The following AIRE variants were observed in gnomAD, a reference collection of about 807,000 sequenced individuals.
The protein encoded by AIRE is autoimmune polyendocrinopathy candidiasis ectodermal dystrophy protein.
A neutral mutation model predicts 62.1 loss-of-function variants in AIRE; 52 were observed. The observed-to-expected ratio is 0.84, with a 90% confidence interval of 0.67 to 1.06. The LOEUF (loss-of-function observed/expected upper bound fraction) is 1.06. AIRE is among the 50% of genes least tolerant of loss of function. AIRE has a pLI of 0.00. For synonymous variants in AIRE, 342 were observed against 321.6 expected, an observed-to-expected ratio of 1.06 and a Z score of -0.68; for missense variants, 774 against 755.8, an observed-to-expected ratio of 1.02 and a Z score of -0.28.
chr21:44,285,991 TC>T lies in AIRE; in HGVS notation c.-12del. On this transcript the variant is annotated 5_prime_UTR_variant, in exon 1 of 14. Transcript: ENST00000291582. Reference sequence around the variant, plus strand: ...CCACCGCGTCCGCCCCAGCCCCGGGTCCCCGCGCCCACCCCATGGCGACGGA... The same window carrying T: ...CCACCGCGTCCGCCCCAGCCCCGGGTCCCGCGCCCACCCCATGGCGACGGA... The T allele has an allele frequency of 6.6e-7, 1 of 1,525,482 alleles. No homozygotes were observed. Among genetic ancestry groups the T allele is most frequent in the Non-Finnish European group, 8.8e-7 (1 of 1,141,536 alleles). 94.5% of individuals were successfully genotyped at this position (1,525,482 alleles called of 1,614,324 possible). A position where few individuals can be genotyped will look rare whatever the true frequency, so the allele number is the denominator to read the frequency against.
rs2040607807 is a variant in AIRE, at chr21:44,296,391, T to C, written c.1512T>C (p.Thr504=). The change falls in exon 13 of 14, where the codon ACT becomes ACC. Residue 504 remains threonine, a synonymous_variant. Coordinates refer to ENST00000291582, the MANE Select transcript of AIRE (RefSeq NM_000383.4). ...RLAPGPAKDD[T]ASHEPALHRD... ...TCTTTACTGGGTTCCAGGATGACAC[T>C]GCCAGTCACGAGCCCGCTCTGCACA... 3.1e-6 allele frequency: 5 copies of C among 1,612,296 alleles called. No individual in the cohort carries two copies. Among genetic ancestry groups the C allele is most frequent in the Non-Finnish European group, 4.2e-6 (5 of 1,179,690 alleles).
At chr21:44,290,749 G>T in intron 7 of AIRE, 1 of 1,430,438 alleles carries the variant, frequency 7.0e-7, no homozygotes, top group Non-Finnish European at 9.4e-7. Flanking sequence ...TTCAGCAGGC[G>T]CTGAGGTCGG....
At chr21:44,292,455 C>A (rs924617248) in intron 9 of AIRE, 54 bp downstream of exon 9, 82 of 1,278,890 alleles carry the variant, frequency 6.4e-5, no homozygotes, top group Non-Finnish European at 8.3e-5. Context: ...CATGGCCACG[C>A]CCCCTCCTAG....
rs566541385 is a variant in AIRE at position 44,295,462 on chromosome 21, C to T, written c.1504-921C>T. The stretch of plus-strand genomic sequence containing the variant: ...TCACTGTCCCCTTCCTTCTAGAAGC[C>T]TCCCTCCTCACACCACCCATCTGGA... On this transcript the variant is annotated intron_variant, in intron 12 of 13. Transcript: ENST00000291582. Among the ~76,000 whole-genome samples, 9 of 152,306 alleles carry T rather than the reference C, an allele frequency of 5.9e-5. No homozygotes were observed. In the South Asian group the frequency reaches 1.9e-3, roughly 32 times the overall value.
In AIRE at chr21:44,290,041, C is replaced by T; in HGVS notation, c.852C>T (p.Ala284=). The T allele has an allele frequency of 1.2e-6, 2 of 1,612,106 alleles. No homozygotes were observed. Among genetic ancestry groups the T allele is most frequent in the East Asian group, 2.2e-5 (1 of 44,856 alleles). The change falls in exon 7 of 14, where the codon GCC becomes GCT. Residue 284 remains alanine, a synonymous_variant. Coordinates refer to ENST00000291582, the MANE Select transcript of AIRE (RefSeq NM_000383.4). ...GQQGSVPAPL[A]LPSDPQLHQK... ...AGGGCAGCGTTCCCGCCCCTCTGGC[C>T]CTCCCCAGTGACCCCCAGCTCCACC...
In AIRE at chr21:44,286,225, C is replaced by T; in HGVS notation, c.132+87C>T. The T allele has an allele frequency of 7.2e-7, 1 of 1,385,622 alleles. No individual in the cohort carries two copies. The highest frequency in any genetic ancestry group is 9.9e-7 in the Non-Finnish European group (1 of 1,013,290). 85.8% of individuals were successfully genotyped at this position (1,385,622 alleles called of 1,614,324 possible). A position where few individuals can be genotyped will look rare whatever the true frequency, so the allele number is the denominator to read the frequency against. On this transcript the variant is annotated intron_variant, in intron 1 of 13. Coordinates refer to ENST00000291582, the MANE Select transcript of AIRE (RefSeq NM_000383.4). This position sits in a 1 kb window ranked among gnomAD's most constrained non-coding sequence, Gnocchi z 6.0. ...GAAGTTCCAGGAGGACCCCGCCCCT[C>T]CAGATCCCCAAGCCCCTCCAGCCTT...
Position 44,292,359 on chromosome 21 carries a change from G to C in AIRE, c.1053G>C (p.Arg351=), listed in dbSNP as rs760115494. The C allele has an allele frequency of 6.4e-7, 1 of 1,571,214 alleles. No individual in the cohort carries two copies. The highest frequency in any genetic ancestry group is 8.6e-7 in the Non-Finnish European group (1 of 1,158,400). The change falls in exon 9 of 14, where the codon CGG becomes CGC. Residue 351 remains arginine (R), a synonymous_variant. Transcript: ENST00000291582. ...LQATVQEVQP[R]AEEPRPQEPP... The stretch of plus-strand genomic sequence containing the variant: ...CAACAGTCCAGGAGGTGCAGCCCCG[G>C]GCAGAGGAGCCCCGGCCCCAGGAGC...
At chr21:44,292,643 G>A (rs569211153) in intron 9 of AIRE, among the ~76,000 whole-genome samples, 18 of 152,314 alleles carry the variant, frequency 1.2e-4, no homozygotes, top group Non-Finnish European at 1.6e-4. Context: ...TCCACCCCGG[G>A]GGGCACTATG....
chr21:44,286,490 G>A lies in AIRE; in HGVS notation c.133-67G>A. 1 of 1,523,658 alleles carries A rather than the reference G, an allele frequency of 6.6e-7. No homozygotes were observed. The highest frequency in any genetic ancestry group is 8.9e-7 in the Non-Finnish European group (1 of 1,117,492). 94.4% of individuals were successfully genotyped at this position (1,523,658 alleles called of 1,614,324 possible). A position where few individuals can be genotyped will look rare whatever the true frequency, so the allele number is the denominator to read the frequency against. ...CCTGGGAGCTCCACCCTCTAGTCAT[G>A]ATGGAGATGGGCAGGCCGCAGGGTG... On this transcript the variant is annotated intron_variant, in intron 1 of 13. Transcript: ENST00000291582. The surrounding 1 kb of genome is among the most constrained non-coding windows in gnomAD (Gnocchi z 6.0).
chr21:44,287,303 C>G lies in AIRE; in HGVS notation c.463+170C>G. On this transcript the variant is annotated intron_variant, in intron 3 of 13. Transcript: ENST00000291582. This position sits in a 1 kb window ranked among gnomAD's most constrained non-coding sequence, Gnocchi z 4.3. ...AGACCCACACACTGGACCAGCCTCT[C>G]AGCTCCCTCCTGCCTGAAGGCTGAG... is the stretch of plus-strand genomic sequence containing the variant. 1 of 817,772 alleles carries G rather than the reference C, an allele frequency of 1.2e-6. No homozygotes were observed. The highest frequency in any genetic ancestry group is 1.9e-6 in the Non-Finnish European group (1 of 520,328). 50.7% of individuals were successfully genotyped at this position (817,772 alleles called of 1,614,324 possible).
At chr21:44,293,985 C>T in intron 11 of AIRE, 75 bp downstream of exon 11, 1 of 1,521,398 alleles carries the variant, frequency 6.6e-7, no homozygotes, top group Non-Finnish European at 8.8e-7. Flanking sequence ...TCCCCACCCA[C>T]ATCATACAGC....
chr21:44,293,251 C>T, intron 10 of AIRE, 76 bp downstream of exon 10: 2 of 1,409,384 alleles, frequency 1.4e-6, no homozygotes, highest in Non-Finnish European at 1.9e-6. Context: ...TCACCTGAAA[C>T]AGGAGGAGAG....
chr21:44,288,217 C>T (rs989179095), intron 4 of AIRE, 128 bp from the exon 5 acceptor site: 3 of 774,376 alleles, frequency 3.9e-6, no homozygotes, highest in Non-Finnish European at 6.8e-6. Context: ...GGGCTGGGTC[C>T]CCTCCTTGGC....
At chr21:44,294,234 C>T in intron 11 of AIRE, 167 bp from the exon 12 acceptor site, 1 of 417,728 alleles carries the variant, frequency 2.4e-6, no homozygotes, top group Non-Finnish European at 4.4e-6. Flanking sequence ...CAACCCAAAC[C>T]CACCCAAACC....
Position 44,286,064 on chromosome 21 carries a change from G to C in AIRE, c.58G>C (p.Val20Leu). 6.5e-7 allele frequency: 1 copy of C among 1,542,532 alleles called. No homozygotes were observed. The highest frequency in any genetic ancestry group is 8.7e-7 in the Non-Finnish European group (1 of 1,145,994). Residue 20 changes from valine to leucine, a missense_variant, in exon 1 of 14, where the codon GTG becomes CTG. Coordinates refer to ENST00000291582, the MANE Select transcript of AIRE (RefSeq NM_000383.4). This position sits in a 1 kb window ranked among gnomAD's most constrained non-coding sequence, Gnocchi z 6.0. The part of the protein sequence containing the change: ...LLRLHRTEIA[V>L]AVDSAFPLLH... ...GAGGCTGCACCGCACGGAGATCGCG[G>C]TGGCCGTGGACAGCGCCTTCCCACT...
At chr21:44,289,538 G>C (rs1042958179) in intron 5 of AIRE, 119 bp from the exon 6 acceptor site, 3 of 1,423,056 alleles carry the variant, frequency 2.1e-6, no homozygotes, top group Non-Finnish European at 2.9e-6. Context: ...GCGGGCTGGA[G>C]GAATGCAGGC....
In AIRE at chr21:44,298,110, C is replaced by A; in HGVS notation, c.*383C>A. 2 of 275,522 alleles carry A rather than the reference C, an allele frequency of 7.3e-6. No individual in the cohort carries two copies. The highest frequency in any genetic ancestry group is 4.0e-5 in the South Asian group (1 of 25,160). 17.1% of individuals were successfully genotyped at this position (275,522 alleles called of 1,614,324 possible). A position where few individuals can be genotyped will look rare whatever the true frequency, so the allele number is the denominator to read the frequency against. On this transcript the variant is annotated 3_prime_UTR_variant, in exon 14 of 14. Transcript: ENST00000291582. ...TTGCGCCACTGCACTCCAGTCTGGT[C>A]GGCAAGAGTGAGACTCCGTCTCAAA...
chr21:44,296,580 C>T (rs946578076), intron 13 of AIRE, 135 bp downstream of exon 13: 1 of 859,368 alleles, frequency 1.2e-6, no homozygotes, highest in Non-Finnish European at 1.9e-6. Flanking sequence ...GCTGTCCCTG[C>T]TCCACCCACC....
intron 13 of AIRE, among the ~76,000 whole-genome samples, chr21:44,296,848 G>A (rs571992581): frequency 5.3e-4 from 81 of 152,084 alleles, no homozygotes; most frequent in Middle Eastern, 3.4e-3. Flanking sequence ...CCCAGACCCC[G>A]TCCCTCTAAG....
Sources: allele counts gnomAD v4.1 joint callset (sites outside exome capture counted in the v4.1 genomes callset), GRCh38; gene constraint gnomAD v4.1.1; non-coding constraint Gnocchi (gnomAD v3.1); transcripts MANE v1.5; gene names NCBI Gene and HGNC (gene_info 2026-07-23, HGNC 2026-07-21).